SHISA9: variants seen among roughly 807,000 people sequenced by gnomAD.
The protein encoded by SHISA9 is shisa family member 9.
Under a neutral mutation model 38.0 loss-of-function variants are expected in SHISA9, and 13 were observed. The ratio of observed to expected loss-of-function variants is 0.34; its 90% CI spans 0.22 to 0.54. SHISA9 has a LOEUF of 0.54. Ranked by LOEUF, SHISA9 falls within the 20% of genes least tolerant of loss-of-function variation. SHISA9 has a pLI of 0.91. For synonymous variants in SHISA9, 275 were observed against 242.0 expected (o/e 1.14, Z -1.27); for missense variants, 538 against 575.8 (o/e 0.93, Z 0.67).
At chr16:13,220,214 C>G (rs1000261251) in intron 4 of SHISA9, among the ~76,000 whole-genome samples, 2 of 152,168 alleles carry the variant, frequency 1.3e-5, no homozygotes, top group South Asian at 4.1e-4. Flanking sequence ...ACCCATCTCT[C>G]TGGGAGTTGG....
At chr16:13,195,529 A>G (rs2550565) in intron 2 of SHISA9, among the ~76,000 whole-genome samples, 78,526 of 151,982 alleles carry the variant, frequency 0.52, 21,454 homozygotes, top group African/African-American at 0.7. Context: ...GAGGTAGAGC[A>G]TAACCCCTAC....
rs532764336 is a variant in SHISA9, at chr16:12,916,559, C to A, written c.564-129C>A. On this transcript the variant is annotated intron_variant, in intron 1 of 4. Transcript: ENST00000558583. Reference sequence around the variant, plus strand: ...TTACTTACGTTTTTCTCTACTCCACCCCTAACTAGAATGGTGGCTCCATGG... The same window carrying A: ...TTACTTACGTTTTTCTCTACTCCACACCTAACTAGAATGGTGGCTCCATGG... The A allele has an allele frequency of 9.0e-5, 100 of 1,116,672 alleles. No individual in the cohort carries two copies. The African/African-American group carries it at 1.3e-3, about 15-fold the overall frequency. The allele number at this position is 1,116,672 out of a possible 1,614,324, so 69.2% of individuals were successfully genotyped here.
chr16:13,069,192 A>G (rs2073477395), intron 2 of SHISA9, among the ~76,000 whole-genome samples: 1 of 147,058 alleles, frequency 6.8e-6, no homozygotes, highest in Admixed American at 6.8e-5. Context: ...GTATATGTGT[A>G]TACATGTGTA....
the SHISA9 span, among the ~76,000 whole-genome samples, chr16:13,324,613 G>A: frequency 1.2e-3 from 177 of 152,198 alleles, no homozygotes; most frequent in African/African-American, 4.1e-3. Context: ...ACCTCTTGAC[G>A]ATTATGTGAG....
At chr16:13,298,353 T>C in the SHISA9 span, among the ~76,000 whole-genome samples, 3 of 152,046 alleles carry the variant, frequency 2.0e-5, no homozygotes, top group Non-Finnish European at 4.4e-5. Flanking sequence ...TAATTATTCA[T>C]AATTCTACTA....
At chr16:13,109,912 T>C (rs1372594782) in intron 2 of SHISA9, among the ~76,000 whole-genome samples, 1 of 152,224 alleles carries the variant, frequency 6.6e-6, no homozygotes, top group Non-Finnish European at 1.5e-5. Context: ...TTGGCGAACA[T>C]TGGAGCTCTT....
At chr16:13,088,056 C>T (rs1567208042) in intron 2 of SHISA9, among the ~76,000 whole-genome samples, 1 of 152,158 alleles carries the variant, frequency 6.6e-6, no homozygotes, top group Non-Finnish European at 1.5e-5. Context: ...CCAGTTTTCG[C>T]AGTATCATTT....
At chr16:13,216,130 T>A (rs1429169622) in intron 4 of SHISA9, among the ~76,000 whole-genome samples, 1 of 141,976 alleles carries the variant, frequency 7.0e-6, no homozygotes, top group Non-Finnish European at 1.5e-5. Context: ...GAGTTTGCAG[T>A]GAGCCAAGAT....
the SHISA9 span, among the ~76,000 whole-genome samples, chr16:13,539,859 G>T: frequency 6.6e-6 from 1 of 152,250 alleles, no homozygotes; most frequent in South Asian, 2.1e-4. Context: ...TTGGTTTTCT[G>T]TTCTTGTGTT....
rs1203578631 is a variant in SHISA9, at chr16:12,963,607, C to T, written c.691+46792C>T. ...TATACTTGTGTCATTTAATTTTCAT[C>T]ATAACACTTGGAGGTAGCTACTATT... On this transcript the variant is annotated intron_variant, in intron 2 of 4. Coordinates refer to ENST00000558583, the MANE Select transcript of SHISA9 (RefSeq NM_001145204.3). 9.2e-5 allele frequency among the ~76,000 whole-genome samples: 14 copies of T among 152,206 alleles called. 1 individual carries two copies. Among genetic ancestry groups the T allele is most frequent in the Admixed American group, 9.2e-4 (14 of 15,276 alleles).
At chr16:13,227,223 T>C (rs1429103946) in intron 4 of SHISA9, among the ~76,000 whole-genome samples, 1 of 152,176 alleles carries the variant, frequency 6.6e-6, no homozygotes, top group African/African-American at 2.4e-5. Flanking sequence ...GACTAAATGA[T>C]TGAACAAACA....
At chr16:13,363,322 A>T in the SHISA9 span, among the ~76,000 whole-genome samples, 1 of 152,362 alleles carries the variant, frequency 6.6e-6, no homozygotes, top group Non-Finnish European at 1.5e-5. Context: ...TTGAGGAAGA[A>T]CTAAGTCTCC....
chr16:13,111,549 TA>T (rs1409232341), intron 2 of SHISA9, among the ~76,000 whole-genome samples: 6 of 152,210 alleles, frequency 3.9e-5, no homozygotes, highest in African/African-American at 1.4e-4. Flanking sequence ...ATTATCTGTG[TA>T]AGACACTTAG....
intron 4 of SHISA9, among the ~76,000 whole-genome samples, chr16:13,230,267 A>C (rs1431936744): frequency 6.6e-6 from 1 of 152,230 alleles, no homozygotes; most frequent in Non-Finnish European, 1.5e-5. Flanking sequence ...TTGATGAATG[A>C]CTAAATGAAT....
At chr16:13,045,768 C>A (rs1216076773) in intron 2 of SHISA9, among the ~76,000 whole-genome samples, 2 of 152,072 alleles carry the variant, frequency 1.3e-5, no homozygotes, top group African/African-American at 4.8e-5. Context: ...CCCACTGTGT[C>A]CCCCAGGGGG....
At chr16:13,366,996 AAAAAAG>A in the SHISA9 span, among the ~76,000 whole-genome samples, 1 of 151,684 alleles carries the variant, frequency 6.6e-6, no homozygotes, top group African/African-American at 2.4e-5. Flanking sequence ...AAAAAAAAAA[AAAAAAG>A]AAGAAGAATC....
At chr16:13,520,281 T>C in the SHISA9 span, among the ~76,000 whole-genome samples, 1 of 152,054 alleles carries the variant, frequency 6.6e-6, no homozygotes, top group Non-Finnish European at 1.5e-5. Context: ...AGAGCTGCCA[T>C]CATTGATGGT....
chr16:13,252,307 A>T, the SHISA9 span, among the ~76,000 whole-genome samples: 1 of 152,140 alleles, frequency 6.6e-6, no homozygotes, highest in Non-Finnish European at 1.5e-5. Context: ...TCCCTCCTCC[A>T]GGGGACATTT....
At chr16:13,019,618 T>C (rs908234998) in intron 2 of SHISA9, among the ~76,000 whole-genome samples, 6 of 152,110 alleles carry the variant, frequency 3.9e-5, no homozygotes, top group Non-Finnish European at 7.4e-5. Flanking sequence ...GTCTTTTTTT[T>C]AAACTTTTAA....
Sources: gnomAD v4.1 joint callset for allele counts (sites outside exome capture counted in the v4.1 genomes callset) on GRCh38, gnomAD v4.1.1 for gene constraint, MANE v1.5 for transcripts, NCBI Gene and HGNC (gene_info 2026-07-23, HGNC 2026-07-21) for gene names.